The following FBXW8 variants were observed in gnomAD, a reference collection of about 807,000 sequenced individuals.
FBXW8 encodes F-box/WD repeat-containing protein 8.
FBXW8 carries 57 observed loss-of-function variants against 65.3 expected under a neutral mutation model. That is an observed-to-expected ratio of 0.87 (90% confidence interval 0.71 to 1.09). The LOEUF (loss-of-function observed/expected upper bound fraction) is 1.09. Among genes scored for constraint, FBXW8 ranks in the 50% least tolerant of loss-of-function variants. The pLI is 0.00. For missense variants in FBXW8, 777 were observed against 814.8 expected (o/e 0.95, Z 0.57); for synonymous variants, 308 against 330.2 (o/e 0.93, Z 0.73).
intron 5 of FBXW8, among the ~76,000 whole-genome samples, chr12:116,969,272 G>T (rs1884508456): frequency 6.6e-6 from 1 of 152,080 alleles, no homozygotes; most frequent in Non-Finnish European, 1.5e-5. Context: ...CTTTTTTAGA[G>T]CCCTTGTGTT....
intron 7 of FBXW8, among the ~76,000 whole-genome samples, chr12:117,006,548 C>G (rs1953678074): frequency 6.6e-6 from 1 of 152,232 alleles, no homozygotes; most frequent in African/African-American, 2.4e-5. Flanking sequence ...GTTGTTGGGC[C>G]TGTAGCTGGT....
chr12:116,925,045 G>C (rs992741149), intron 1 of FBXW8, among the ~76,000 whole-genome samples: 1 of 151,904 alleles, frequency 6.6e-6, no homozygotes. Context: ...TTGAACACAG[G>C]ACTATCGTGG....
chr12:116,933,446 C>T (rs926619526), intron 2 of FBXW8, among the ~76,000 whole-genome samples: 4 of 152,166 alleles, frequency 2.6e-5, no homozygotes, highest in African/African-American at 7.2e-5. Context: ...AAGAAGAGAT[C>T]CCCTTTTGGT....
chr12:116,971,460 A>G (rs973715995), intron 5 of FBXW8, among the ~76,000 whole-genome samples: 5 of 152,000 alleles, frequency 3.3e-5, no homozygotes, highest in African/African-American at 1.2e-4. Flanking sequence ...TGGCATATCT[A>G]GGATGTTAGA....
chr12:116,961,142 C>A lies in FBXW8; in HGVS notation c.678-3555C>A, dbSNP rs527734230. On this transcript the variant is annotated intron_variant, in intron 4 of 10. Coordinates refer to ENST00000652555, the MANE Select transcript of FBXW8 (RefSeq NM_153348.3). This position sits in a 1 kb window ranked among gnomAD's most constrained non-coding sequence, Gnocchi z 4.4. ...TCCCAAGTAGGTGGGATTACAGGCA[C>A]GCACCACCACACCTGGCTAATTTTT... is the stretch of plus-strand genomic sequence containing the variant. Among the ~76,000 whole-genome samples the A allele has an allele frequency of 1.3e-5, 2 of 152,076 alleles. No individual in the cohort carries two copies. The highest frequency in any genetic ancestry group is 3.9e-4 in the East Asian group (2 of 5,190).
In FBXW8 at chr12:116,936,140, G is replaced by T. The variant is rs1210635248; in HGVS notation, c.423+8013G>T. Among the ~76,000 whole-genome samples, 1 of 152,198 alleles carries T rather than the reference G, an allele frequency of 6.6e-6. No homozygotes were observed. On this transcript the variant is annotated intron_variant, in intron 2 of 10. Transcript: ENST00000652555. The surrounding 1 kb of genome is among the most constrained non-coding windows in gnomAD (Gnocchi z 4.6). ...GGGGGTTGCACTTTTGAGTGGCCAG[G>T]GAAGACTTTGCAGAGAAGGTGAGCT... is the stretch of plus-strand genomic sequence containing the variant.
At chr12:116,952,951 T>A (rs921798486) in intron 4 of FBXW8, among the ~76,000 whole-genome samples, 8 of 152,212 alleles carry the variant, frequency 5.3e-5, no homozygotes, top group African/African-American at 1.9e-4. Context: ...TTGGCCAGGC[T>A]GGTCTCAAAC....
At chr12:116,942,407 C>A (rs565891684) in intron 2 of FBXW8, among the ~76,000 whole-genome samples, 4 of 138,344 alleles carry the variant, frequency 2.9e-5, no homozygotes, top group Non-Finnish European at 6.1e-5. Flanking sequence ...CAGAGTCTTG[C>A]GCTGTTGCCC....
At chr12:116,977,169 C>T (rs4766819) in intron 5 of FBXW8, among the ~76,000 whole-genome samples, 10,736 of 152,228 alleles carry the variant, frequency 0.071, 516 homozygotes, top group Middle Eastern at 0.1. Flanking sequence ...ACTGCAGTTT[C>T]GCCATCATTT....
At chr12:117,006,688 G>A (rs992965151) in intron 7 of FBXW8, among the ~76,000 whole-genome samples, 4 of 152,240 alleles carry the variant, frequency 2.6e-5, no homozygotes, top group South Asian at 2.1e-4. Context: ...GACAGCTGAC[G>A]GTCAGGCCCC....
At chr12:116,955,233 A>G (rs1002648973) in intron 4 of FBXW8, among the ~76,000 whole-genome samples, 4 of 152,166 alleles carry the variant, frequency 2.6e-5, no homozygotes, top group African/African-American at 9.7e-5. Context: ...TCACTTGACC[A>G]CTTAGCAAGG....
At chr12:117,022,358 A>T (rs930669508) in intron 8 of FBXW8, among the ~76,000 whole-genome samples, 6 of 152,026 alleles carry the variant, frequency 3.9e-5, no homozygotes, top group African/African-American at 1.4e-4. Context: ...AAACTATTAA[A>T]AAAAAAAAAA....
At chr12:116,962,774 C>A (rs1884064951) in intron 4 of FBXW8, among the ~76,000 whole-genome samples, 1 of 152,190 alleles carries the variant, frequency 6.6e-6, no homozygotes, top group African/African-American at 2.4e-5. Context: ...TCTAGACATT[C>A]AAACATGTCT....
At chr12:116,970,410 G>A (rs7954824) in intron 5 of FBXW8, among the ~76,000 whole-genome samples, 115,788 of 151,992 alleles carry the variant, frequency 0.76, 45,732 homozygotes, top group Non-Finnish European at 0.86. Flanking sequence ...CTGTCTGAAC[G>A]CACACATGCT....
rs1472346633 is a variant in FBXW8, at chr12:116,936,417, T to C, written c.423+8290T>C. Among the ~76,000 whole-genome samples, 1 of 152,154 alleles carries C rather than the reference T, an allele frequency of 6.6e-6. No individual in the cohort carries two copies. Among genetic ancestry groups the C allele is most frequent in the Non-Finnish European group, 1.5e-5 (1 of 68,032 alleles). ...GTTACCTTTCATGATAAAACGCCCT[T>C]TGCCGATGTGATTAGGTTAAGGATC... is the stretch of plus-strand genomic sequence containing the variant. On this transcript the variant is annotated intron_variant, in intron 2 of 10. Coordinates refer to ENST00000652555, the MANE Select transcript of FBXW8 (RefSeq NM_153348.3). The surrounding 1 kb of genome is among the most constrained non-coding windows in gnomAD (Gnocchi z 4.6).
chr12:116,945,565 A>C, intron 3 of FBXW8, 37 bp downstream of exon 3: 6 of 1,592,108 alleles, frequency 3.8e-6, no homozygotes, highest in Non-Finnish European at 5.2e-6. Flanking sequence ...GTGAAAGAAT[A>C]GCCTGCAAGG....
chr12:117,024,953 G>A (rs182844437), intron 9 of FBXW8, among the ~76,000 whole-genome samples: 5 of 152,144 alleles, frequency 3.3e-5, no homozygotes, highest in African/African-American at 7.2e-5. Context: ...GGCTGATGGC[G>A]TCACAGAGGT....
chr12:116,992,024 A>G (rs1223423017), intron 7 of FBXW8, among the ~76,000 whole-genome samples: 1 of 152,228 alleles, frequency 6.6e-6, no homozygotes, highest in Non-Finnish European at 1.5e-5. Flanking sequence ...ACTGAGCTCC[A>G]GTAGTGTTCC....
intron 4 of FBXW8, among the ~76,000 whole-genome samples, chr12:116,956,438 TTCA>T (rs1883654436): frequency 6.6e-6 from 1 of 152,214 alleles, no homozygotes; most frequent in African/African-American, 2.4e-5. Context: ...TGGCTGCTGC[TTCA>T]GCTGCCAGAC....
Sources: allele counts gnomAD v4.1 joint callset (sites outside exome capture counted in the v4.1 genomes callset), GRCh38; gene constraint gnomAD v4.1.1; non-coding constraint Gnocchi (gnomAD v3.1); transcripts MANE v1.5; gene names NCBI Gene and HGNC (gene_info 2026-07-23, HGNC 2026-07-21).